Variants in NBEA observed in about 807,000 individuals in gnomAD.
NBEA encodes neurobeachin.
Under a neutral mutation model 343.4 loss-of-function variants are expected in NBEA, and 44 were observed. The ratio of observed to expected loss-of-function variants is 0.13; its 90% CI spans 0.10 to 0.16. The LOEUF (loss-of-function observed/expected upper bound fraction) is 0.16, where lower values mean the gene tolerates loss of function less well. Ranked by LOEUF, NBEA falls within the 10% of genes least tolerant of loss-of-function variation. The probability of loss-of-function intolerance (pLI) is 1.00; values close to 1 mark genes in which losing one functional copy is unlikely to be tolerated. For missense variants in NBEA, 2,555 were observed against 3,631.3 expected (o/e 0.70, Z 7.62); for synonymous variants, 1,175 against 1,238.7 (o/e 0.95, Z 1.08).
At chr13:35,094,931 A>T (rs2065257455) in intron 10 of NBEA, among the ~76,000 whole-genome samples, 1 of 151,794 alleles carries the variant, frequency 6.6e-6, no homozygotes. Flanking sequence ...ATTGGATTTT[A>T]GGGGGAATCT....
intron 38 of NBEA, among the ~76,000 whole-genome samples, chr13:35,391,935 T>C (rs1443691869): frequency 1.3e-5 from 2 of 152,152 alleles, no homozygotes; most frequent in Non-Finnish European, 1.5e-5. Context: ...CTTCTATCTC[T>C]GTTGTAAGCA....
chr13:35,206,903 G>A (rs1365907893), intron 31 of NBEA, among the ~76,000 whole-genome samples: 1 of 151,916 alleles, frequency 6.6e-6, no homozygotes, highest in Non-Finnish European at 1.5e-5. Context: ...ATAAACGAAG[G>A]CATTAGATGA....
chr13:35,368,901 T>G (rs2041271617), intron 38 of NBEA, among the ~76,000 whole-genome samples: 1 of 151,708 alleles, frequency 6.6e-6, no homozygotes, highest in Non-Finnish European at 1.5e-5. Flanking sequence ...ATTTTTTTCT[T>G]TCAGATGCTA....
chr13:35,238,121 G>A (rs1011115929), intron 34 of NBEA, among the ~76,000 whole-genome samples: 2 of 152,292 alleles, frequency 1.3e-5, no homozygotes, highest in South Asian at 2.1e-4. Context: ...ACTTAGAATA[G>A]GTATGTATGC....
Position 35,652,021 on chromosome 13 carries a change from A to T in NBEA, c.8035+145A>T, listed in dbSNP as rs1050104794. ...TCAAATTATCATCAAGGAGCTGTGT[A>T]AATCATAATATGCCATCTAAGAACT... On this transcript the variant is annotated intron_variant, in intron 53 of 58. Coordinates refer to ENST00000379939, the MANE Select transcript of NBEA (RefSeq NM_001385012.1). 5 of 617,614 alleles carry T rather than the reference A, an allele frequency of 8.1e-6. No homozygotes were observed. In the African/African-American group the frequency reaches 9.2e-5, roughly 11 times the overall value. 38.3% of individuals were successfully genotyped at this position (617,614 alleles called of 1,614,324 possible). A position where few individuals can be genotyped will look rare whatever the true frequency, so the allele number is the denominator to read the frequency against.
At chr13:34,982,597 C>T (rs944202303) in intron 1 of NBEA, among the ~76,000 whole-genome samples, 1 of 152,068 alleles carries the variant, frequency 6.6e-6, no homozygotes, top group Non-Finnish European at 1.5e-5. Context: ...CACCATGCCT[C>T]ACCTGATTTC....
chr13:35,324,479 T>C (rs1766974), intron 36 of NBEA, among the ~76,000 whole-genome samples: 32,500 of 152,148 alleles, frequency 0.21, 3,839 homozygotes, highest in African/African-American at 0.32. Context: ...AAAAACTTAT[T>C]GTTACTGTTT....
intron 49 of NBEA, among the ~76,000 whole-genome samples, chr13:35,633,348 C>A (rs77395174): frequency 0.27 from 40,122 of 149,830 alleles, 5,613 homozygotes; most frequent in South Asian, 0.33. Context: ...GTGATCCGCC[C>A]ACCTCGGCCT....
At chr13:35,309,627 T>C (rs545278768) in intron 36 of NBEA, 35 bp downstream of exon 36, 17 of 1,294,428 alleles carry the variant, frequency 1.3e-5, no homozygotes, top group Non-Finnish European at 1.8e-5. Flanking sequence ...AACTAGTCAG[T>C]GTACATTTTA....
At chr13:35,483,569 T>C (rs1237411795) in intron 41 of NBEA, among the ~76,000 whole-genome samples, 1 of 152,074 alleles carries the variant, frequency 6.6e-6, no homozygotes, top group African/African-American at 2.4e-5. Flanking sequence ...CCAAGAATTA[T>C]TAAATTATAG....
intron 38 of NBEA, among the ~76,000 whole-genome samples, chr13:35,355,385 CTG>C (rs1222920923): frequency 6.6e-6 from 1 of 152,090 alleles, no homozygotes; most frequent in African/African-American, 2.4e-5. Flanking sequence ...CTATGCCAGA[CTG>C]TAACCACTAG....
At chr13:35,362,448 C>A (rs913414861) in intron 38 of NBEA, among the ~76,000 whole-genome samples, 3 of 151,784 alleles carry the variant, frequency 2.0e-5, no homozygotes, top group African/African-American at 4.8e-5. Context: ...CTTTTCCCAG[C>A]AATTTTTATA....
chr13:35,222,165 A>G (rs907020683), intron 33 of NBEA, among the ~76,000 whole-genome samples: 2 of 151,072 alleles, frequency 1.3e-5, no homozygotes, highest in Non-Finnish European at 3.0e-5. Flanking sequence ...CAGCTGGATT[A>G]TGTCAGATCC....
At chr13:35,459,008 C>G (rs1368500080) in intron 40 of NBEA, among the ~76,000 whole-genome samples, 1 of 97,848 alleles carries the variant, frequency 1.0e-5, no homozygotes, top group Non-Finnish European at 1.9e-5. Context: ...TACCACCGCC[C>G]CCCCCCCCCC....
At chr13:35,655,984 C>T (rs1362582633) in intron 55 of NBEA, among the ~76,000 whole-genome samples, 1 of 152,124 alleles carries the variant, frequency 6.6e-6, no homozygotes, top group Non-Finnish European at 1.5e-5. Context: ...TACCCAGACC[C>T]TCTGCTCAGC....
intron 39 of NBEA, 49 bp from the exon 40 acceptor site, chr13:35,452,043 G>T (rs763089810): frequency 1.8e-5 from 25 of 1,363,624 alleles, no homozygotes; most frequent in Non-Finnish European, 2.4e-5. Flanking sequence ...CCTACTATAA[G>T]CAGAAACAAT....
chr13:35,136,620 G>T (rs2067743959), intron 17 of NBEA, among the ~76,000 whole-genome samples: 1 of 152,188 alleles, frequency 6.6e-6, no homozygotes, highest in Non-Finnish European at 1.5e-5. Context: ...AGGCAAAAAA[G>T]AAGTACTTTC....
intron 38 of NBEA, among the ~76,000 whole-genome samples, chr13:35,418,447 T>C (rs972874292): frequency 6.6e-6 from 1 of 151,972 alleles, no homozygotes; most frequent in Non-Finnish European, 1.5e-5. Context: ...TGAATTTCAG[T>C]AGGAAAACAG....
chr13:35,310,747 C>T (rs2037306515), intron 36 of NBEA, among the ~76,000 whole-genome samples: 1 of 152,112 alleles, frequency 6.6e-6, no homozygotes, highest in East Asian at 1.9e-4. Flanking sequence ...GATTATTTGG[C>T]ATGACCTATT....
Sources: allele counts gnomAD v4.1 joint callset (sites outside exome capture counted in the v4.1 genomes callset), GRCh38; gene constraint gnomAD v4.1.1; transcripts MANE v1.5; gene names NCBI Gene and HGNC (gene_info 2026-07-23, HGNC 2026-07-21).